Variants in MEIG1 observed in about 807,000 individuals in gnomAD.
MEIG1 encodes meiosis/spermiogenesis associated 1.
In MEIG1, 12 loss-of-function variants were observed where a neutral mutation model predicts 11.3. The ratio of observed to expected loss-of-function variants is 1.07; its 90% CI spans 0.68 to 1.73. MEIG1 has a LOEUF of 1.73. Among genes scored for constraint, MEIG1 ranks in the 40% most tolerant of loss-of-function variants. MEIG1 has a pLI of 0.00. For missense variants in MEIG1, 119 were observed against 104.9 expected (o/e 1.13, Z -0.59); for synonymous variants, 41 against 33.2 (o/e 1.24, Z -0.81).
chr10:14,985,230 C>T (rs1194758813), intron 1 of MEIG1, among the ~76,000 whole-genome samples: 2 of 151,892 alleles, frequency 1.3e-5, no homozygotes, highest in Non-Finnish European at 2.9e-5. Flanking sequence ...TCGTAATATT[C>T]TAGGGAAATG....
chr10:14,982,937 T>A (rs1199063535), intron 1 of MEIG1, among the ~76,000 whole-genome samples: 1 of 152,138 alleles, frequency 6.6e-6, no homozygotes, highest in African/African-American at 2.4e-5. Flanking sequence ...TAGCTCCTAA[T>A]AATTAATGTT....
At chr10:14,966,066 C>CTTTTTTTTTTTT (rs10673663) in intron 1 of MEIG1, among the ~76,000 whole-genome samples, 27 of 118,698 alleles carry the variant, frequency 2.3e-4, no homozygotes, top group Non-Finnish European at 3.0e-4. Flanking sequence ...TTTATTTATT[C>CTTTTTTTTTTTT]TTTTTTTTTT....
At chr10:14,960,887 G>A (rs1406870906) in intron 1 of MEIG1, among the ~76,000 whole-genome samples, 3 of 152,096 alleles carry the variant, frequency 2.0e-5, no homozygotes, top group Admixed American at 1.3e-4. Context: ...AAATTAACCA[G>A]GCATGGTGGC....
At chr10:14,974,451 G>T (rs532559089), downstream of MEIG1, among the ~76,000 whole-genome samples, 1 of 152,108 alleles carries the variant, frequency 6.6e-6, no homozygotes, top group South Asian at 2.1e-4. Context: ...GTGAAGGCCT[G>T]GTACCCAAAA....
chr10:14,958,997 ATAAT>A (rs555872994), upstream of MEIG1, among the ~76,000 whole-genome samples: 401 of 152,358 alleles, frequency 2.6e-3, 2 homozygotes, highest in African/African-American at 9.2e-3. Flanking sequence ...GCTAGAAAAA[ATAAT>A]TAAAGCTATA....
chr10:14,961,870 T>C (rs1008248239), intron 1 of MEIG1, among the ~76,000 whole-genome samples: 1 of 151,980 alleles, frequency 6.6e-6, no homozygotes, highest in African/African-American at 2.4e-5. Flanking sequence ...TGCAGTGACT[T>C]GATCACAGCT....
upstream of MEIG1, among the ~76,000 whole-genome samples, chr10:14,957,198 G>T (rs769703799): frequency 2.0e-5 from 3 of 152,122 alleles, no homozygotes; most frequent in African/African-American, 7.2e-5. Flanking sequence ...CATCCTACCT[G>T]CCCATCAGAT....
At chr10:14,979,809 T>C (rs919598311) in intron 1 of MEIG1, among the ~76,000 whole-genome samples, 7 of 152,098 alleles carry the variant, frequency 4.6e-5, no homozygotes, top group African/African-American at 1.7e-4. Flanking sequence ...CCTGTGATAT[T>C]ATTCACAATA....
downstream of MEIG1, among the ~76,000 whole-genome samples, chr10:14,977,659 T>C (rs972215563): frequency 7.9e-5 from 12 of 151,860 alleles, no homozygotes; most frequent in African/African-American, 2.9e-4. Flanking sequence ...ACAGTGGGTG[T>C]ACCCCATGTG....
intron 2 of MEIG1, chr10:14,987,066 G>T (rs1843325634): frequency 3.2e-6 from 2 of 615,566 alleles, no homozygotes; most frequent in South Asian, 3.0e-5. Context: ...TGGCTACAAA[G>T]CCGTCATAGG....
downstream of MEIG1, among the ~76,000 whole-genome samples, chr10:14,974,247 C>T (rs748895566): frequency 7.2e-5 from 11 of 152,108 alleles, no homozygotes; most frequent in Non-Finnish European, 1.5e-4. Flanking sequence ...GGTGCATATT[C>T]CTCTAGCCAC....
At chr10:14,965,932 T>C (rs1201772844) in intron 1 of MEIG1, among the ~76,000 whole-genome samples, 4 of 152,184 alleles carry the variant, frequency 2.6e-5, no homozygotes, top group African/African-American at 7.2e-5. Context: ...TTTTTTTGTT[T>C]GTTTCTTACA....
At chr10:14,961,544 C>T (rs1843012549) in intron 1 of MEIG1, among the ~76,000 whole-genome samples, 1 of 151,990 alleles carries the variant, frequency 6.6e-6, no homozygotes, top group East Asian at 1.9e-4. Context: ...GATCTTGGCT[C>T]ACCGCAACCT....
chr10:14,966,357 C>T (rs6602775), intron 1 of MEIG1, 83 bp from the exon 2 acceptor site: 38,281 of 967,886 alleles, frequency 0.04, 920 homozygotes, highest in Admixed American at 0.05. Context: ...CCACCGCACC[C>T]GGCCAGTTTT....
At chr10:14,965,490 G>C (rs182949052) in intron 1 of MEIG1, among the ~76,000 whole-genome samples, 1 of 152,244 alleles carries the variant, frequency 6.6e-6, no homozygotes, top group African/African-American at 2.4e-5. Context: ...AGTGTGCATG[G>C]AATCTGTGTT....
In MEIG1 at chr10:14,972,738, A is replaced by G; in HGVS notation, c.*97A>G. The G allele has an allele frequency of 8.5e-7, 1 of 1,176,168 alleles. No homozygotes were observed. Among genetic ancestry groups the G allele is most frequent in the Non-Finnish European group, 1.2e-6 (1 of 855,356 alleles). 72.9% of individuals were successfully genotyped at this position (1,176,168 alleles called of 1,614,324 possible). ...CATTTGATGAAATAATTCAAGATGCAGTCTGCAGTTTAATGTTTTGTGAAA... is the reference window on the plus strand; with the variant it reads ...CATTTGATGAAATAATTCAAGATGCGGTCTGCAGTTTAATGTTTTGTGAAA... On this transcript the variant is annotated 3_prime_UTR_variant, in exon 3 of 3. Coordinates refer to ENST00000407572, the MANE Select transcript of MEIG1 (RefSeq NM_001080836.3).
At chr10:14,977,485 G>A (rs1441959586), downstream of MEIG1, among the ~76,000 whole-genome samples, 1 of 151,820 alleles carries the variant, frequency 6.6e-6, no homozygotes, top group African/African-American at 2.4e-5. Flanking sequence ...AATATTGTAG[G>A]GGGATGTCAC....
chr10:14,964,125 A>G (rs1843049570), intron 1 of MEIG1, among the ~76,000 whole-genome samples: 1 of 151,976 alleles, frequency 6.6e-6, no homozygotes. Context: ...AGAATACAAT[A>G]TAAACACTAT....
intron 1 of MEIG1, among the ~76,000 whole-genome samples, chr10:14,961,453 C>A (rs1035630381): frequency 9.9e-5 from 15 of 152,102 alleles, no homozygotes; most frequent in African/African-American, 3.6e-4. Context: ...GGAGCTACAA[C>A]TTGGTATTTT....
Sources: gnomAD v4.1 joint callset for allele counts (sites outside exome capture counted in the v4.1 genomes callset) on GRCh38, gnomAD v4.1.1 for gene constraint, MANE v1.5 for transcripts, NCBI Gene and HGNC (gene_info 2026-07-23, HGNC 2026-07-21) for gene names.